Variants in GPC5 observed in about 807,000 individuals in gnomAD.
The protein encoded by GPC5 is glypican-5.
In GPC5, 47 loss-of-function variants were observed where a neutral mutation model predicts 53.9. The observed-to-expected ratio is 0.87, with a 90% CI of 0.69 to 1.11. The LOEUF (loss-of-function observed/expected upper bound fraction) is 1.11, where lower values mean the gene tolerates loss of function less well. Ranked by LOEUF, GPC5 falls within the 50% of genes most tolerant of loss-of-function variation. GPC5 has a pLI of 0.00. For missense variants in GPC5, 748 were observed against 713.1 expected (o/e 1.05, Z -0.56); for synonymous variants, 286 against 263.3 (o/e 1.09, Z -0.84).
chr13:91,515,969 AT>A (rs1885476939), intron 2 of GPC5, among the ~76,000 whole-genome samples: 1 of 152,192 alleles, frequency 6.6e-6, no homozygotes, highest in Non-Finnish European at 1.5e-5. Context: ...TGATAAACCC[AT>A]CAGATTTTGT....
intron 7 of GPC5, among the ~76,000 whole-genome samples, chr13:92,519,184 C>T (rs1353515061): frequency 2.0e-5 from 3 of 152,148 alleles, no homozygotes; most frequent in African/African-American, 4.8e-5. Context: ...TAATGGGAGA[C>T]TTTAACACCC....
intron 7 of GPC5, among the ~76,000 whole-genome samples, chr13:92,428,085 G>A (rs1443977385): frequency 6.6e-6 from 1 of 152,070 alleles, no homozygotes; most frequent in East Asian, 1.9e-4. Flanking sequence ...AAGAGAAAGA[G>A]TCCTATTACT....
At chr13:92,731,445 A>G (rs1426221502) in intron 7 of GPC5, among the ~76,000 whole-genome samples, 1 of 151,508 alleles carries the variant, frequency 6.6e-6, no homozygotes, top group African/African-American at 2.4e-5. Flanking sequence ...CATATAAGTA[A>G]TAAGCAAATA....
At chr13:91,695,949 CA>C (rs1254347401) in intron 3 of GPC5, among the ~76,000 whole-genome samples, 1 of 152,192 alleles carries the variant, frequency 6.6e-6, no homozygotes, top group African/African-American at 2.4e-5. Flanking sequence ...TTGCAGTAGA[CA>C]GGCAAGCTTT....
intron 5 of GPC5, among the ~76,000 whole-genome samples, chr13:91,891,045 G>T (rs1041919588): frequency 6.6e-6 from 1 of 152,140 alleles, no homozygotes; most frequent in Non-Finnish European, 1.5e-5. Flanking sequence ...AACTTACAGG[G>T]TATCAAGAAC....
At chr13:92,237,028 C>G (rs190652588) in intron 7 of GPC5, among the ~76,000 whole-genome samples, 95 of 152,050 alleles carry the variant, frequency 6.2e-4, no homozygotes, top group African/African-American at 5.8e-4. Flanking sequence ...GGTTGCATAT[C>G]ACAATATTAA....
intron 3 of GPC5, chr13:91,724,985 T>C (rs570335312): frequency 6.6e-6 from 1 of 152,372 alleles, no homozygotes; most frequent in Admixed American, 6.5e-5. Context: ...TCTGAACATT[T>C]GAATAAGACT....
chr13:92,658,153 T>G (rs1244075351), intron 7 of GPC5, among the ~76,000 whole-genome samples: 1 of 152,176 alleles, frequency 6.6e-6, no homozygotes, highest in Non-Finnish European at 1.5e-5. Flanking sequence ...TGGAGAATTC[T>G]TGGGGTGAAA....
At position 92,385,497 on chromosome 13, in the gene GPC5, C is replaced by T. The variant is rs1424174329; in HGVS notation, c.1561+240508C>T. 3.2e-4 allele frequency among the ~76,000 whole-genome samples: 44 copies of T among 135,504 alleles called. 3 individuals carry two copies. The highest frequency in any genetic ancestry group is 4.4e-4 in the African/African-American group (16 of 36,360). The allele number at this position is 135,504 out of a possible 152,430, so 88.9% of individuals were successfully genotyped here. ...ATATATACATATATACACATATATACATACATATACATATATACATACATA... is the reference window on the plus strand; with the variant it reads ...ATATATACATATATACACATATATATATACATATACATATATACATACATA... On this transcript the variant is annotated intron_variant, in intron 7 of 7. Transcript: ENST00000377067.
intron 1 of GPC5, among the ~76,000 whole-genome samples, chr13:91,425,408 G>A (rs1878967636): frequency 6.6e-6 from 1 of 152,186 alleles, no homozygotes; most frequent in South Asian, 2.1e-4. Context: ...TGTTTAGGAA[G>A]AGACCTGGTG....
intron 6 of GPC5, among the ~76,000 whole-genome samples, chr13:91,976,470 A>G (rs2040303119): frequency 6.6e-6 from 1 of 152,144 alleles, no homozygotes; most frequent in African/African-American, 2.4e-5. Flanking sequence ...TCAGCCTCAA[A>G]TCCGTCTCTC....
chr13:92,116,270 CAAA>C (rs56168628), intron 6 of GPC5, among the ~76,000 whole-genome samples: 6 of 149,358 alleles, frequency 4.0e-5, no homozygotes, highest in Admixed American at 1.3e-4. Context: ...AACAAACAAA[CAAA>C]AAAAAAAAAA....
rs1292745716 is a variant in GPC5, at chr13:91,579,612, CTT to C, written c.326-113571_326-113570del. On this transcript the variant is annotated intron_variant, in intron 2 of 7. Transcript: ENST00000377067. ...TTTGCATCATAATATTTCTTTCTTT[CTT>C]TTTCTTTTTCTTTTTTTTTTTTTTT... Among the ~76,000 whole-genome samples the C allele has an allele frequency of 3.2e-5, 4 of 125,064 alleles. No homozygotes were observed. The East Asian group carries it at 1.0e-3, about 31-fold the overall frequency. The allele number at this position is 125,064 out of a possible 152,430, so 82.0% of individuals were successfully genotyped here.
At chr13:92,213,695 T>C (rs546309062) in intron 7 of GPC5, among the ~76,000 whole-genome samples, 1 of 152,270 alleles carries the variant, frequency 6.6e-6, no homozygotes, top group South Asian at 2.1e-4. Flanking sequence ...CTAGTAACAA[T>C]AATAAAGAGT....
intron 7 of GPC5, among the ~76,000 whole-genome samples, chr13:92,368,744 A>G (rs1248166232): frequency 6.6e-6 from 1 of 151,738 alleles, no homozygotes; most frequent in African/African-American, 2.4e-5. Flanking sequence ...TGAATAGTAC[A>G]TGTGCAAAAT....
At chr13:91,983,611 C>T (rs2040380658) in intron 6 of GPC5, among the ~76,000 whole-genome samples, 1 of 152,190 alleles carries the variant, frequency 6.6e-6, no homozygotes, top group Admixed American at 6.5e-5. Context: ...AAATAGAATT[C>T]TCTCCAGACA....
chr13:91,489,256 C>T (rs1392158483), intron 2 of GPC5, among the ~76,000 whole-genome samples: 2 of 152,166 alleles, frequency 1.3e-5, no homozygotes, highest in African/African-American at 4.8e-5. Context: ...TTTTGAAAAT[C>T]ACTAATAAAA....
At chr13:91,548,576 A>T (rs767885141) in intron 2 of GPC5, among the ~76,000 whole-genome samples, 3 of 152,188 alleles carry the variant, frequency 2.0e-5, no homozygotes, top group Non-Finnish European at 2.9e-5. Flanking sequence ...TAAAAATCTT[A>T]TGAAGTTATT....
intron 7 of GPC5, among the ~76,000 whole-genome samples, chr13:92,366,104 A>G (rs1218613654): frequency 6.6e-6 from 1 of 151,664 alleles, no homozygotes; most frequent in African/African-American, 2.4e-5. Context: ...TCCTGCTATG[A>G]TGTCACAATG....
Sources: allele counts gnomAD v4.1 joint callset (sites outside exome capture counted in the v4.1 genomes callset), GRCh38; gene constraint gnomAD v4.1.1; transcripts MANE v1.5; gene names NCBI Gene and HGNC (gene_info 2026-07-23, HGNC 2026-07-21).